The following VWA3B variants were observed in gnomAD, a reference collection of about 807,000 sequenced individuals.
The protein encoded by VWA3B is von Willebrand factor A domain containing 3B.
VWA3B carries 138 observed loss-of-function variants against 158.3 expected under a neutral mutation model. The ratio of observed to expected loss-of-function variants is 0.87; its 90% CI spans 0.76 to 1.00. VWA3B has a LOEUF of 1.00. Ranked by LOEUF, VWA3B falls within the 50% of genes least tolerant of loss-of-function variation. VWA3B has a pLI of 0.00. For synonymous variants in VWA3B, 596 were observed against 587.3 expected (o/e 1.01, Z -0.21); for missense variants, 1,555 against 1,565.1 (o/e 0.99, Z 0.11).
intron 7 of VWA3B, among the ~76,000 whole-genome samples, chr2:98,141,256 G>A (rs1042215025): frequency 6.6e-5 from 10 of 152,176 alleles, no homozygotes; most frequent in African/African-American, 2.4e-5. Context: ...TTTGCACTGC[G>A]ATAAAGGAAC....
At chr2:98,202,724 T>C (rs1051978478) in intron 12 of VWA3B, among the ~76,000 whole-genome samples, 8 of 152,194 alleles carry the variant, frequency 5.3e-5, no homozygotes, top group African/African-American at 1.7e-4. Flanking sequence ...GTTTTCCCCG[T>C]GTCCTTTTTT....
rs1343958728 is a variant in VWA3B, at chr2:98,162,852, A to T, written c.990A>T (p.Gly330=). Residue 330 remains glycine (G), a splice_region_variant and synonymous_variant, in exon 8 of 28, where the codon GGA becomes GGT. Transcript: ENST00000477737. Reference sequence around the variant, plus strand: ...CTCATGCTGTGTCTCCCCTTTTAGGAGCTGGAGTCAGAGAGGACGTGTTTC... The same window carrying T: ...CTCATGCTGTGTCTCCCCTTTTAGGTGCTGGAGTCAGAGAGGACGTGTTTC... ...SRKLKGKLPP[G]AGVREDVFLV... is the part of the protein sequence containing the mutation. 1 of 1,613,396 alleles carries T rather than the reference A, an allele frequency of 6.2e-7. No homozygotes were observed.
intron 1 of VWA3B, among the ~76,000 whole-genome samples, chr2:98,088,756 C>T (rs534616597): frequency 6.6e-6 from 1 of 151,862 alleles, no homozygotes; most frequent in Admixed American, 6.6e-5. Context: ...TAATATATCC[C>T]CCTTTATTTT....
At chr2:98,245,607 G>A (rs1295185537) in intron 19 of VWA3B, 1 of 456,932 alleles carries the variant, frequency 2.2e-6, no homozygotes, top group African/African-American at 2.0e-5. Context: ...GAGGGAAGTA[G>A]AACACTAAGC....
chr2:98,312,732 A>C lies in VWA3B; in HGVS notation c.*383A>C. ...AATCTTGTTTTAAATTAATTATCAC[A>C]TCTAAATTAGAGAATTTGTCACCCA... On this transcript the variant is annotated 3_prime_UTR_variant, in exon 28 of 28. Transcript: ENST00000477737. 1.1e-5 allele frequency: 2 copies of C among 176,712 alleles called. No homozygotes were observed. Among genetic ancestry groups the C allele is most frequent in the African/African-American group, 2.4e-5 (1 of 42,328 alleles). The allele number at this position is 176,712 out of a possible 1,614,324, so 10.9% of individuals were successfully genotyped here.
chr2:98,312,467 TGCCTG>T lies in VWA3B; in HGVS notation c.*119_*123del. On this transcript the variant is annotated 3_prime_UTR_variant, in exon 28 of 28. Coordinates refer to ENST00000477737, the MANE Select transcript of VWA3B (RefSeq NM_144992.5). ...GTAAGGCCGCCCTCCGCGCCGCCTA[TGCCTG>T]CCCTGTCTGTAGCAAAGACTCCTCT... is the stretch of plus-strand genomic sequence containing the variant. 1 of 1,248,736 alleles carries T rather than the reference TGCCTG, an allele frequency of 8.0e-7. No individual in the cohort carries two copies. Among genetic ancestry groups the T allele is most frequent in the East Asian group, 2.5e-5 (1 of 40,358 alleles). The allele number at this position is 1,248,736 out of a possible 1,614,324, so 77.4% of individuals were successfully genotyped here.
chr2:98,161,662 C>CTAT (rs1678588216), intron 7 of VWA3B, among the ~76,000 whole-genome samples: 2 of 152,150 alleles, frequency 1.3e-5, no homozygotes. Context: ...AGATGCCCAT[C>CTAT]TATTATTTAT....
the VWA3B span, among the ~76,000 whole-genome samples, chr2:98,322,169 GGATAAATTTTTTTAAGTTA>G: frequency 2.8e-4 from 42 of 152,168 alleles, no homozygotes; most frequent in Non-Finnish European, 3.4e-4. Context: ...AATAAGACCT[GGATAAATTTTTTTAAGTTA>G]CCTCTATTTA....
intron 11 of VWA3B, among the ~76,000 whole-genome samples, chr2:98,193,867 C>T (rs1418221920): frequency 6.6e-6 from 1 of 152,174 alleles, no homozygotes; most frequent in African/African-American, 2.4e-5. Context: ...GGACTACAGG[C>T]GTGAGCCACC....
downstream of VWA3B, among the ~76,000 whole-genome samples, chr2:98,316,312 G>A (rs1691084470): frequency 6.6e-6 from 1 of 152,110 alleles, no homozygotes; most frequent in Non-Finnish European, 1.5e-5. Context: ...ATAAGTTTTA[G>A]CAGTGATATG....
chr2:98,136,816 A>G (rs888886292), intron 7 of VWA3B, among the ~76,000 whole-genome samples: 3 of 152,148 alleles, frequency 2.0e-5, no homozygotes, highest in Admixed American at 6.5e-5. Context: ...CCTCACCCCT[A>G]GCAACCGCCA....
intron 24 of VWA3B, 147 bp downstream of exon 24, chr2:98,298,178 C>A: frequency 8.9e-7 from 1 of 1,125,208 alleles, no homozygotes; most frequent in Non-Finnish European, 1.2e-6. Context: ...GAACAATGGC[C>A]CCTGTTCTGG....
Position 98,119,619 on chromosome 2 carries a change from T to G in VWA3B, c.398T>G (p.Ile133Ser). ...MDWLTSKSRQIFGVILEQCVT... is the reference protein window; with the variant it reads ...MDWLTSKSRQSFGVILEQCVT... Reference sequence around the variant, plus strand: ...TGGCTCACCAGCAAGAGCCGGCAGATTTTTGGTGTCATCTTGGAACAGTGC... The same window carrying G: ...TGGCTCACCAGCAAGAGCCGGCAGAGTTTTGGTGTCATCTTGGAACAGTGC... Residue 133 changes from isoleucine to serine, a missense_variant, in exon 4 of 28, where the codon ATT (isoleucine) becomes AGT (serine). Ile to Ser is a moderately radical substitution (Grantham distance 142, BLOSUM62 -2). Coordinates refer to ENST00000477737, the MANE Select transcript of VWA3B (RefSeq NM_144992.5). 1.2e-6 allele frequency: 2 copies of G among 1,614,008 alleles called. 1 individual carries two copies. The highest frequency in any genetic ancestry group is 2.7e-5 in the African/African-American group (2 of 75,008).
At chr2:98,174,066 TG>T (rs1679816135) in intron 8 of VWA3B, among the ~76,000 whole-genome samples, 1 of 152,178 alleles carries the variant, frequency 6.6e-6, no homozygotes, top group African/African-American at 2.4e-5. Context: ...CAAAAATACC[TG>T]GGCAAAAATG....
At chr2:98,241,086 A>G (rs1686045469) in intron 19 of VWA3B, among the ~76,000 whole-genome samples, 1 of 152,126 alleles carries the variant, frequency 6.6e-6, no homozygotes. Flanking sequence ...GTGAAGATGC[A>G]GGAGATGTCC....
intron 5 of VWA3B, among the ~76,000 whole-genome samples, chr2:98,121,732 G>A (rs1674984957): frequency 1.3e-5 from 2 of 152,106 alleles, no homozygotes; most frequent in South Asian, 4.2e-4. Flanking sequence ...GGAGAGCCGA[G>A]TGCGACTCAC....
chr2:98,174,348 G>T (rs772003647), intron 8 of VWA3B, among the ~76,000 whole-genome samples: 35 of 152,278 alleles, frequency 2.3e-4, no homozygotes, highest in Non-Finnish European at 4.3e-4. Context: ...AGCCACTGGA[G>T]GGGGCAGGAT....
intron 14 of VWA3B, among the ~76,000 whole-genome samples, chr2:98,223,783 T>C (rs1418965689): frequency 1.3e-5 from 2 of 152,184 alleles, no homozygotes; most frequent in African/African-American, 4.8e-5. Context: ...CAGGCTGGAG[T>C]GCAGTGACAC....
chr2:98,275,920 G>T (rs1048940425), intron 22 of VWA3B, among the ~76,000 whole-genome samples: 1 of 152,224 alleles, frequency 6.6e-6, no homozygotes, highest in African/African-American at 2.4e-5. Flanking sequence ...TCACTGGGAA[G>T]GCAGGGAGAA....
Sources: allele counts gnomAD v4.1 joint callset (sites outside exome capture counted in the v4.1 genomes callset), GRCh38; gene constraint gnomAD v4.1.1; transcripts MANE v1.5; gene names NCBI Gene and HGNC (gene_info 2026-07-23, HGNC 2026-07-21).